RBFOX1: variants seen among roughly 807,000 people sequenced by gnomAD.
RBFOX1 encodes the protein RNA binding fox-1 homolog 1, also known as RNA binding protein fox-1 homolog 1.
RBFOX1 carries 8 observed loss-of-function variants against 57.7 expected under a neutral mutation model. That is an observed-to-expected ratio of 0.14 (90% CI 0.08 to 0.25). The LOEUF is 0.25. Ranked by LOEUF, RBFOX1 falls within the 10% of genes least tolerant of loss-of-function variation. The pLI is 1.00. For missense variants in RBFOX1, 611 were observed against 548.5 expected, an observed-to-expected ratio of 1.11 and a Z score of -1.14; for synonymous variants, 326 against 222.4, an observed-to-expected ratio of 1.47 and a Z score of -4.15.
At chr16:5,804,510 A>T (rs188113502) in intron 3 of RBFOX1, among the ~76,000 whole-genome samples, 1 of 152,182 alleles carries the variant, frequency 6.6e-6, no homozygotes, top group East Asian at 1.9e-4. Context: ...TCCTAAACTG[A>T]TAAATCTGAG....
At chr16:5,708,883 C>G (rs189172808) in intron 3 of RBFOX1, among the ~76,000 whole-genome samples, 16 of 152,152 alleles carry the variant, frequency 1.1e-4, no homozygotes, top group Admixed American at 3.3e-4. Context: ...AGAATAAACC[C>G]AATTGTCATA....
intron 10 of RBFOX1, among the ~76,000 whole-genome samples, chr16:7,611,777 T>A (rs1292137190): frequency 6.6e-6 from 1 of 152,144 alleles, no homozygotes; most frequent in Non-Finnish European, 1.5e-5. Context: ...GAGGAAGCAT[T>A]GAGAACGTTC....
chr16:5,637,714 A>C (rs2048728828), intron 3 of RBFOX1, among the ~76,000 whole-genome samples: 1 of 152,122 alleles, frequency 6.6e-6, no homozygotes, highest in South Asian at 2.1e-4. Context: ...AAGGATCCCT[A>C]AGGGTGGAAC....
intron 3 of RBFOX1, among the ~76,000 whole-genome samples, chr16:6,698,683 A>G (rs1466030460): frequency 2.6e-5 from 4 of 152,132 alleles, no homozygotes; most frequent in East Asian, 1.9e-4. Context: ...ACATTATTCT[A>G]TGCTATTTTC....
At chr16:5,394,586 G>A (rs374275030) in intron 1 of RBFOX1, among the ~76,000 whole-genome samples, 1 of 140,354 alleles carries the variant, frequency 7.1e-6, no homozygotes, top group Non-Finnish European at 1.5e-5. Context: ...TTTTTTGACA[G>A]GATCTTGCTC....
intron 1 of RBFOX1, among the ~76,000 whole-genome samples, chr16:5,457,870 T>C (rs1429968320): frequency 6.6e-6 from 1 of 152,196 alleles, no homozygotes; most frequent in Non-Finnish European, 1.5e-5. Context: ...GATTTTAGCC[T>C]TGTGCCCTAC....
At chr16:6,664,459 G>T (rs1310916838) in intron 3 of RBFOX1, among the ~76,000 whole-genome samples, 1 of 152,164 alleles carries the variant, frequency 6.6e-6, no homozygotes. Flanking sequence ...CTACAGATCT[G>T]CCTCAGCTCC....
At chr16:5,788,615 C>T (rs550390281) in intron 3 of RBFOX1, among the ~76,000 whole-genome samples, 119 of 152,214 alleles carry the variant, frequency 7.8e-4, no homozygotes, top group African/African-American at 2.2e-3. Context: ...GGTGACAGAG[C>T]GAGACTTAGT....
At chr16:6,535,227 G>C (rs1385094590) in intron 2 of RBFOX1, among the ~76,000 whole-genome samples, 2 of 152,152 alleles carry the variant, frequency 1.3e-5, no homozygotes, top group Non-Finnish European at 2.9e-5. Flanking sequence ...AAGCCAACTG[G>C]GAGAGTTGGT....
chr16:7,604,540 T>C (rs974521806), intron 9 of RBFOX1, among the ~76,000 whole-genome samples: 2 of 152,196 alleles, frequency 1.3e-5, no homozygotes, highest in Non-Finnish European at 2.9e-5. Context: ...TGTGCAGACT[T>C]GGCAAACTCA....
chr16:5,743,414 G>T (rs11076958), intron 3 of RBFOX1, among the ~76,000 whole-genome samples: 10 of 151,938 alleles, frequency 6.6e-5, no homozygotes, highest in African/African-American at 2.4e-4. Flanking sequence ...AGCATGTCCC[G>T]TGGAAGGAGG....
At chr16:5,303,455 C>A (rs1244017316) in intron 1 of RBFOX1, among the ~76,000 whole-genome samples, 2 of 152,210 alleles carry the variant, frequency 1.3e-5, no homozygotes, top group African/African-American at 4.8e-5. Flanking sequence ...TGTTTGCTGT[C>A]ACCTCTCTTT....
chr16:7,033,141 G>A (rs1047682548), intron 3 of RBFOX1, among the ~76,000 whole-genome samples: 1 of 152,180 alleles, frequency 6.6e-6, no homozygotes, highest in Non-Finnish European at 1.5e-5. Flanking sequence ...GGAAAGTGCA[G>A]TAAGCAGGTT....
chr16:7,705,043 CAAAAGAAAAAA>C (rs2081991039), intron 14 of RBFOX1, among the ~76,000 whole-genome samples: 1 of 35,210 alleles, frequency 2.8e-5, no homozygotes. Context: ...GACTCTGTCT[CAAAAGAAAAAA>C]AAAAAAAAAA....
chr16:6,230,625 G>C (rs2097451944), intron 1 of RBFOX1, among the ~76,000 whole-genome samples: 1 of 152,146 alleles, frequency 6.6e-6, no homozygotes, highest in Admixed American at 6.6e-5. Flanking sequence ...AGTATAAAGA[G>C]GTCTGATGAG....
upstream of RBFOX1, among the ~76,000 whole-genome samples, chr16:6,016,011 C>T (rs1371451314): frequency 6.6e-6 from 1 of 152,220 alleles, no homozygotes; most frequent in Admixed American, 6.5e-5. Context: ...AGCAGGTTGA[C>T]TTCTCATTTC....
chr16:6,942,306 C>T (rs1475164333), intron 3 of RBFOX1, among the ~76,000 whole-genome samples: 1 of 152,064 alleles, frequency 6.6e-6, no homozygotes, highest in African/African-American at 2.4e-5. Flanking sequence ...TTGCTGAGAC[C>T]ACTGGCACAC....
chr16:6,940,094 A>C (rs1270744142), intron 3 of RBFOX1, among the ~76,000 whole-genome samples: 1 of 152,208 alleles, frequency 6.6e-6, no homozygotes, highest in African/African-American at 2.4e-5. Flanking sequence ...TGGGAGGCTG[A>C]GGCAGGAGAA....
chr16:5,693,843 G>A (rs1379064448), intron 3 of RBFOX1, among the ~76,000 whole-genome samples: 2 of 152,048 alleles, frequency 1.3e-5, no homozygotes, highest in Non-Finnish European at 2.9e-5. Flanking sequence ...TTGTCTTTTT[G>A]TGACAGTTTT....
Sources: allele counts gnomAD v4.1 joint callset (sites outside exome capture counted in the v4.1 genomes callset), GRCh38; gene constraint gnomAD v4.1.1; transcripts MANE v1.5; gene names NCBI Gene and HGNC (gene_info 2026-07-23, HGNC 2026-07-21).